The following MAN2A2 variants were observed in gnomAD, a reference collection of about 807,000 sequenced individuals.
MAN2A2 encodes alpha-mannosidase 2x.
Under a neutral mutation model 126.8 loss-of-function variants are expected in MAN2A2, and 79 were observed. That is an observed-to-expected ratio of 0.62 (90% CI 0.52 to 0.75). MAN2A2 has a LOEUF of 0.75. Ranked by LOEUF, MAN2A2 falls within the 30% of genes least tolerant of loss-of-function variation. The probability of loss-of-function intolerance (pLI) is 0.00; values close to 1 mark genes in which losing one functional copy is unlikely to be tolerated. For synonymous variants in MAN2A2, 671 were observed against 618.7 expected, an observed-to-expected ratio of 1.08 and a Z score of -1.25; for missense variants, 1,392 against 1,522.4, an observed-to-expected ratio of 0.91 and a Z score of 1.43.
intron 10 of MAN2A2, 56 bp downstream of exon 10, chr15:90,910,348 AAGG>A (rs2034626493): frequency 6.2e-7 from 1 of 1,601,856 alleles, no homozygotes; most frequent in Admixed American, 1.7e-5. Context: ...TTTGGGGTTT[AAGG>A]AGGGGCTGGA....
chr15:90,906,203 G>T (rs558854765), intron 5 of MAN2A2, among the ~76,000 whole-genome samples, 167 bp from the exon 6 acceptor site: 2 of 152,328 alleles, frequency 1.3e-5, no homozygotes, highest in East Asian at 3.9e-4. Context: ...GGCCAGGATA[G>T]CCTGGAGGTT....
Position 90,904,242 on chromosome 15 carries a change from C to T in MAN2A2, c.35C>T (p.Ala12Val). ...KLKKQVTVCG[A>V]AIFCVAVFSL... is the part of the protein sequence containing the mutation. ...AAAAAGCAGGTGACAGTGTGTGGGG[C>T]TGCCATCTTCTGTGTGGCAGTCTTC... is the stretch of plus-strand genomic sequence containing the variant. Residue 12 changes from alanine (A) to valine (V), a missense_variant, in exon 2 of 23, where the codon GCT (alanine) becomes GTT (valine). Ala to Val is a moderately conservative substitution (Grantham distance 64, BLOSUM62 0). Coordinates refer to ENST00000559717, the MANE Select transcript of MAN2A2 (RefSeq NM_006122.4). 2 of 1,614,220 alleles carry T rather than the reference C, an allele frequency of 1.2e-6. No homozygotes were observed. Among genetic ancestry groups the T allele is most frequent in the Non-Finnish European group, 1.7e-6 (2 of 1,180,030 alleles).
chr15:90,921,002 C>T lies in MAN2A2; in HGVS notation c.*1215C>T, dbSNP rs1012025112. ...TCTAGATAAAGGTCTGTTTCAGAAACCAACAGTGATGGCATTCTAAAGAGT... is the reference window on the plus strand; with the variant it reads ...TCTAGATAAAGGTCTGTTTCAGAAATCAACAGTGATGGCATTCTAAAGAGT... On this transcript the variant is annotated 3_prime_UTR_variant, in exon 23 of 23. Coordinates refer to ENST00000559717, the MANE Select transcript of MAN2A2 (RefSeq NM_006122.4). 1 of 152,278 alleles carries T rather than the reference C, an allele frequency of 6.6e-6. No homozygotes were observed. Among genetic ancestry groups the T allele is most frequent in the East Asian group, 1.9e-4 (1 of 5,184 alleles). 9.4% of individuals were successfully genotyped at this position (152,278 alleles called of 1,614,324 possible).
At position 90,922,551 on chromosome 15, in the gene MAN2A2, G is replaced by A. The variant is rs1042459556; in HGVS notation, c.*2764G>A. ...GGGAATCTGTGAACGCCTAGAAAAT[G>A]AGCAGAATAAAGGATATTATCTTTG... On this transcript the variant is annotated 3_prime_UTR_variant, in exon 23 of 23. Coordinates refer to ENST00000559717, the MANE Select transcript of MAN2A2 (RefSeq NM_006122.4). The A allele has an allele frequency of 1.3e-5, 2 of 152,210 alleles. No homozygotes were observed. Among genetic ancestry groups the A allele is most frequent in the African/African-American group, 2.4e-5 (1 of 41,448 alleles). The allele number at this position is 152,210 out of a possible 1,614,324, so 9.4% of individuals were successfully genotyped here. A position where few individuals can be genotyped will look rare whatever the true frequency, so the allele number is the denominator to read the frequency against.
chr15:90,908,537 GT>G (rs2034473566), intron 8 of MAN2A2, among the ~76,000 whole-genome samples: 1 of 151,310 alleles, frequency 6.6e-6, no homozygotes, highest in Admixed American at 6.6e-5. Context: ...TATTCTAAGT[GT>G]TTAACAAATA....
intron 8 of MAN2A2, among the ~76,000 whole-genome samples, chr15:90,908,355 C>G (rs2677745): frequency 0.012 from 1,846 of 152,258 alleles, 48 homozygotes; most frequent in African/African-American, 0.042. Flanking sequence ...TGGGCCAGCG[C>G]CGCTAAGTAG....
chr15:90,905,237 TG>T lies in MAN2A2; in HGVS notation c.133-12del. 6.2e-7 allele frequency: 1 copy of T among 1,609,340 alleles called. No individual in the cohort carries two copies. On this transcript the variant is annotated splice_polypyrimidine_tract_variant and intron_variant, in intron 2 of 22. Coordinates refer to ENST00000559717, the MANE Select transcript of MAN2A2 (RefSeq NM_006122.4). The stretch of plus-strand genomic sequence containing the variant: ...TAAGGAGCTGTGTGTGATTGCTTTC[TG>T]GTTTTTTGGCAGAGCCAAATTTCTG...
At position 90,913,288 on chromosome 15, in the gene MAN2A2, C is replaced by T. The variant is rs762308529; in HGVS notation, c.2600C>T (p.Ser867Phe). ...CTGTACCCAGGGGTGGAGGGGCTGTCTCTGGACATATCATCCCTGGTGGAC... is the reference window on the plus strand; with the variant it reads ...CTGTACCCAGGGGTGGAGGGGCTGTTTCTGGACATATCATCCCTGGTGGAC... ...LYNLPGVEGL[S>F]LDISSLVDIR... The change falls in exon 18 of 23, where the codon TCT becomes TTT. Residue 867 changes from serine to phenylalanine, a missense_variant. Transcript: ENST00000559717. The T allele has an allele frequency of 1.2e-6, 2 of 1,614,068 alleles. No individual in the cohort carries two copies.
In MAN2A2 at chr15:90,913,668, A is replaced by G. The variant is rs2034950719; in HGVS notation, c.2773A>G (p.Met925Val). The change falls in exon 19 of 23, where the codon ATG becomes GTG. Residue 925 changes from methionine (M) to valine (V), a missense_variant. Coordinates refer to ENST00000559717, the MANE Select transcript of MAN2A2 (RefSeq NM_006122.4). ...CCCCCTCCAGGCCAACTTCTACCCC[A>G]TGCCAGTCATGGCCTATATCCAGGA... ...KLPLQANFYP[M>V]PVMAYIQDAQ... The G allele has an allele frequency of 6.2e-7, 1 of 1,611,798 alleles. No individual in the cohort carries two copies. The highest frequency in any genetic ancestry group is 1.7e-5 in the Admixed American group (1 of 59,762).
At chr15:90,918,079 C>A (rs1174743822) in intron 20 of MAN2A2, 115 bp from the exon 21 acceptor site, 2 of 983,132 alleles carry the variant, frequency 2.0e-6, no homozygotes, top group African/African-American at 3.2e-5. Context: ...TGAGTCCAGG[C>A]ACACCAGGAA....
upstream of MAN2A2, chr15:90,902,451 G>A (rs781480620): frequency 3.9e-5 from 6 of 152,098 alleles, no homozygotes; most frequent in Admixed American, 2.0e-4. Context: ...TGAGGCCGCG[G>A]AGAACGCACC....
At chr15:90,913,144 A>C in intron 17 of MAN2A2, 129 bp from the exon 18 acceptor site, 1 of 1,293,976 alleles carries the variant, frequency 7.7e-7, no homozygotes, top group Non-Finnish European at 1.1e-6. Flanking sequence ...TCATCCAGAA[A>C]TGCCCTGGGG....
At chr15:90,911,988 G>A (rs2034786548) in intron 14 of MAN2A2, 55 bp from the exon 15 acceptor site, 1 of 1,462,346 alleles carries the variant, frequency 6.8e-7, no homozygotes, top group Non-Finnish European at 9.5e-7. Flanking sequence ...GGATGCCTCA[G>A]CACCCCTGTG....
At chr15:90,916,682 G>C in intron 20 of MAN2A2, 1 of 1,291,318 alleles carries the variant, frequency 7.7e-7, no homozygotes, top group Non-Finnish European at 1.0e-6. Flanking sequence ...CTCTGGGAGC[G>C]GGGAACTAGT....
Position 90,911,529 on chromosome 15 carries a change from G to A in MAN2A2, c.2088G>A (p.Glu696=), listed in dbSNP as rs776262310. Residue 696 remains glutamate, a synonymous_variant, in exon 14 of 23, where the codon GAG becomes GAA. Coordinates refer to ENST00000559717, the MANE Select transcript of MAN2A2 (RefSeq NM_006122.4). ...QISAHWSSAT[E]AVPDVYQVSV... ...GCGCACACTGGAGCTCTGCCACCGAGGCGGTCCCTGACGTCTACCAGGTGA... is the reference window on the plus strand; with the variant it reads ...GCGCACACTGGAGCTCTGCCACCGAAGCGGTCCCTGACGTCTACCAGGTGA... The A allele has an allele frequency of 6.2e-7, 1 of 1,613,148 alleles. No homozygotes were observed. The highest frequency in any genetic ancestry group is 8.5e-7 in the Non-Finnish European group (1 of 1,179,700).
intron 19 of MAN2A2, among the ~76,000 whole-genome samples, chr15:90,914,036 A>G (rs1345527323): frequency 6.6e-6 from 1 of 152,124 alleles, no homozygotes; most frequent in Non-Finnish European, 1.5e-5. Flanking sequence ...CAAAGAAAGG[A>G]AAAAAAATGT....
chr15:90,913,414 C>A lies in MAN2A2; in HGVS notation c.2718+8C>A, dbSNP rs757416608. The A allele has an allele frequency of 6.3e-7, 1 of 1,582,310 alleles. No individual in the cohort carries two copies. ...GACCTCAATGGCTTTCAGGTGACTCCTGGGCCTGGGTCTCGGAGACCCCAC... is the reference window on the plus strand; with the variant it reads ...GACCTCAATGGCTTTCAGGTGACTCATGGGCCTGGGTCTCGGAGACCCCAC... On this transcript the variant is annotated splice_region_variant and intron_variant, in intron 18 of 22. Transcript: ENST00000559717.
chr15:90,903,993 G>C (rs1006789129), intron 1 of MAN2A2, 197 bp from the exon 2 acceptor site: 8 of 633,214 alleles, frequency 1.3e-5, no homozygotes, highest in African/African-American at 3.6e-5. Flanking sequence ...CCAAAGGAGA[G>C]CGTCCTCTCC....
At chr15:90,918,471 A>C in intron 21 of MAN2A2, 83 bp downstream of exon 21, 1 of 1,475,144 alleles carries the variant, frequency 6.8e-7, no homozygotes, top group Non-Finnish European at 9.3e-7. Context: ...AGCCTCCAGG[A>C]TGAGGTCCAG....
Sources: allele counts gnomAD v4.1 joint callset (sites outside exome capture counted in the v4.1 genomes callset), GRCh38; gene constraint gnomAD v4.1.1; transcripts MANE v1.5; gene names NCBI Gene and HGNC (gene_info 2026-07-23, HGNC 2026-07-21).